TBX22: variants seen among roughly 807,000 people sequenced by gnomAD.
TBX22 encodes T-box transcription factor TBX22.
A neutral mutation model predicts 30.1 loss-of-function variants in TBX22; 8 were observed. The observed-to-expected ratio is 0.27, with a 90% CI of 0.16 to 0.48. The LOEUF (loss-of-function observed/expected upper bound fraction) is 0.48, where lower values mean the gene tolerates loss of function less well. Among genes scored for constraint, TBX22 ranks in the 20% least tolerant of loss-of-function variants. The pLI is 0.99. For synonymous variants in TBX22, 173 were observed against 149.1 expected, an observed-to-expected ratio of 1.16 and a Z score of -1.17; for missense variants, 463 against 400.5, an observed-to-expected ratio of 1.16 and a Z score of -1.33.
At chrX:80,018,790 G>A (rs1403593889) in intron 1 of TBX22, among the ~76,000 whole-genome samples, 1 of 111,597 alleles carries the variant, frequency 9.0e-6, no homozygotes, top group Non-Finnish European at 1.9e-5. Context: ...GCTTTAAATG[G>A]TTAAAACAAA....
intron 1 of TBX22, among the ~76,000 whole-genome samples, chrX:80,019,480 T>C (rs11796677): frequency 0.07 from 7,820 of 111,550 alleles, 421 homozygotes; most frequent in East Asian, 0.46. Flanking sequence ...ATTGTGGGCA[T>C]CTGTGGGTCT....
At chrX:80,025,412 G>A (rs1923921159) in intron 4 of TBX22, among the ~76,000 whole-genome samples, 191 bp from the exon 5 acceptor site, 1 of 112,285 alleles carries the variant, frequency 8.9e-6, no homozygotes, top group African/African-American at 3.2e-5. Context: ...GCACTTCATT[G>A]CATTTTGATG....
rs2147587536 is a variant in TBX22, at chrX:80,022,290, G to A, written c.21G>A (p.Ala7=). Residue 7 remains alanine, a synonymous_variant, in exon 2 of 9, where the codon GCG becomes GCA. Transcript: ENST00000373296. The part of the protein sequence containing the change: MALSSR[A]RAFSVEALVG... ...CAGGGATGGCTCTGAGCTCTCGGGC[G>A]CGTGCCTTCTCCGTGGAAGCCTTGG... The A allele has an allele frequency of 1.7e-6, 2 of 1,211,195 alleles. No individual in the cohort carries two copies. The highest frequency in any genetic ancestry group is 2.2e-6 in the Non-Finnish European group (2 of 895,375).
chrX:80,016,956 A>G (rs1923466521), intron 1 of TBX22, among the ~76,000 whole-genome samples: 1 of 94,542 alleles, frequency 1.1e-5, no homozygotes, highest in African/African-American at 3.8e-5. Context: ...CAGTGAGCTG[A>G]GATTGTGCCA....
chrX:80,023,746 C>G (rs766820249), intron 3 of TBX22, among the ~76,000 whole-genome samples: 1 of 111,673 alleles, frequency 9.0e-6, no homozygotes, highest in Non-Finnish European at 1.9e-5. Context: ...AGAAAGTACC[C>G]TTGAAAAGGA....
chrX:80,028,046 G>A lies in TBX22; in HGVS notation c.919G>A (p.Asp307Asn), dbSNP rs750292974. The A allele has an allele frequency of 1.4e-5, 17 of 1,209,090 alleles. No homozygotes were observed. The highest frequency in any genetic ancestry group is 4.4e-5 in the Admixed American group (2 of 45,706). Reference sequence around the variant, plus strand: ...CCCATGGAGGCCTTCTTTCACTCTCGATTTTAAAACCTTTGGCGCAGACAC... The same window carrying A: ...CCCATGGAGGCCTTCTTTCACTCTCAATTTTAAAACCTTTGGCGCAGACAC... ...TYPWRPSFTLDFKTFGADTQS... is the reference protein window; with the variant it reads ...TYPWRPSFTLNFKTFGADTQS... Residue 307 changes from aspartate (D) to asparagine (N), a missense_variant, in exon 8 of 9, where the codon GAT (aspartate) becomes AAT (asparagine). By Grantham distance (23) the Asp-to-Asn change is conservative. Coordinates refer to ENST00000373296, the MANE Select transcript of TBX22 (RefSeq NM_001109878.2).
chrX:80,023,920 A>G, intron 3 of TBX22, 143 bp from the exon 4 acceptor site: 1 of 537,967 alleles, frequency 1.9e-6, no homozygotes, highest in Non-Finnish European at 3.2e-6. Flanking sequence ...TCATGTAGCA[A>G]ATGCTATTCC....
At chrX:80,018,258 A>G (rs1034815400) in intron 1 of TBX22, among the ~76,000 whole-genome samples, 1 of 112,156 alleles carries the variant, frequency 8.9e-6, no homozygotes, top group Non-Finnish European at 1.9e-5. Context: ...AACACATTTT[A>G]TCTAATCATA....
At position 80,026,844 on chromosome X, in the gene TBX22, A is replaced by T; in HGVS notation, c.774A>T (p.Thr258=). 1.7e-6 allele frequency: 2 copies of T among 1,212,101 alleles called. No individual in the cohort carries two copies. The highest frequency in any genetic ancestry group is 3.5e-5 in the South Asian group (2 of 57,016). The change falls in exon 6 of 9, where the codon ACA becomes ACT. Residue 258 remains threonine, a synonymous_variant. Transcript: ENST00000373296. The part of the protein sequence containing the change: ...TFSFKETEFT[T]VTAYQNQQIT... ...CCTTTAAAGAAACTGAGTTCACCAC[A>T]GTAACGGCTTACCAAAACCAACAGG...
rs1446196591 is a variant in TBX22, at chrX:80,022,627, G to A, written c.175+183G>A. ...CCCGGAGTACAGCAGTTTCTTTGCG[G>A]TAAAGGGGAGGGTCCCTACATAATT... On this transcript the variant is annotated intron_variant, in intron 2 of 8. Coordinates refer to ENST00000373296, the MANE Select transcript of TBX22 (RefSeq NM_001109878.2). 4 of 485,885 alleles carry A rather than the reference G, an allele frequency of 8.2e-6. No individual in the cohort carries two copies. The African/African-American group carries it at 9.6e-5, about 12-fold the overall frequency. 40.0% of individuals were successfully genotyped at this position (485,885 alleles called of 1,213,427 possible). A position where few individuals can be genotyped will look rare whatever the true frequency, so the allele number is the denominator to read the frequency against.
At chrX:80,025,253 C>T (rs914264251) in intron 4 of TBX22, among the ~76,000 whole-genome samples, 2 of 111,359 alleles carry the variant, frequency 1.8e-5, no homozygotes, top group African/African-American at 6.5e-5. Context: ...CTTGTCAGCC[C>T]TCCACTTCTT....
rs145861460 is a variant in TBX22 at position 80,030,846 on chromosome X, A to C, written c.1298A>C (p.Tyr433Ser). ...SGSSEDSSDQ[Y>S]LQAPNSTNQM... ...TCATCTGAAGACTCCAGTGATCAGT[A>C]TCTACAAGCACCTAATTCTACCAAT... Residue 433 changes from tyrosine to serine, a missense_variant, in exon 9 of 9, where the codon TAT becomes TCT. Coordinates refer to ENST00000373296, the MANE Select transcript of TBX22 (RefSeq NM_001109878.2). 4.7e-5 allele frequency: 57 copies of C among 1,210,575 alleles called. No homozygotes were observed. In the African/African-American group the frequency reaches 8.9e-4, roughly 19 times the overall value.
intron 4 of TBX22, 101 bp from the exon 5 acceptor site, chrX:80,025,502 G>T (rs1368841997): frequency 4.5e-6 from 3 of 667,531 alleles, no homozygotes; most frequent in Non-Finnish European, 7.4e-6. Context: ...ACTTGCCCTT[G>T]GGATCACTGG....
Position 80,025,786 on chromosome X carries a change from G to C in TBX22, c.633+9G>C. The C allele has an allele frequency of 8.4e-7, 1 of 1,193,214 alleles. No homozygotes were observed. Among genetic ancestry groups the C allele is most frequent in the Non-Finnish European group, 1.1e-6 (1 of 884,177 alleles). On this transcript the variant is annotated intron_variant, in intron 5 of 8. Transcript: ENST00000373296. Reference sequence around the variant, plus strand: ...TGGATGACAAAGGCCACGTACGTGAGCACAATCCTTTACCCCGAGGAGGGA... The same window carrying C: ...TGGATGACAAAGGCCACGTACGTGACCACAATCCTTTACCCCGAGGAGGGA...
At chrX:80,023,978 C>A in intron 3 of TBX22, 85 bp from the exon 4 acceptor site, 1 of 892,426 alleles carries the variant, frequency 1.1e-6, no homozygotes, top group Non-Finnish European at 1.6e-6. Context: ...TCACTTTTTA[C>A]TGGAGTCAGC....
chrX:80,028,717 G>T (rs1924097818), intron 8 of TBX22, among the ~76,000 whole-genome samples: 1 of 111,560 alleles, frequency 9.0e-6, no homozygotes, highest in Non-Finnish European at 1.9e-5. Context: ...ATAATAAATA[G>T]AATAATTTTT....
chrX:80,019,681 A>G (rs1923595529), intron 1 of TBX22, among the ~76,000 whole-genome samples: 1 of 111,509 alleles, frequency 9.0e-6, no homozygotes, highest in Non-Finnish European at 1.9e-5. Context: ...AGCTGACCAG[A>G]CTGCAAAGCT....
chrX:80,016,367 C>A (rs1923436076), intron 1 of TBX22, among the ~76,000 whole-genome samples: 1 of 111,726 alleles, frequency 9.0e-6, no homozygotes, highest in Non-Finnish European at 1.9e-5. Context: ...CCAAATTAGG[C>A]AGAGCCAGAT....
At position 80,030,569 on chromosome X, in the gene TBX22, C is replaced by T; in HGVS notation, c.1021C>T (p.Pro341Ser). 4.1e-6 allele frequency: 5 copies of T among 1,211,585 alleles called. No individual in the cohort carries two copies. Among genetic ancestry groups the T allele is most frequent in the Non-Finnish European group, 5.6e-6 (5 of 895,338 alleles). Residue 341 changes from proline (P) to serine (S), a missense_variant, in exon 9 of 9, where the codon CCA (proline) becomes TCA (serine). Physicochemically the swap from Pro to Ser is moderately conservative, Grantham distance 74. Transcript: ENST00000373296. Reference protein sequence around the residue: ...APSPLNSLLSPLCFSPMFHLP... With the variant: ...APSPLNSLLSSLCFSPMFHLP... ...CTCTCCTTTGAACTCCTTACTTTCT[C>T]CACTTTGCTTTTCACCTATGTTTCA...
Sources: allele counts gnomAD v4.1 joint callset (sites outside exome capture counted in the v4.1 genomes callset), GRCh38; gene constraint gnomAD v4.1.1; transcripts MANE v1.5; gene names NCBI Gene and HGNC (gene_info 2026-07-23, HGNC 2026-07-21).